The following MINDY4 variants were observed in gnomAD, a reference collection of about 807,000 sequenced individuals.
MINDY4 encodes the protein probable ubiquitin carboxyl-terminal hydrolase MINDY-4.
In MINDY4, 68 loss-of-function variants were observed where a neutral mutation model predicts 87.0. That is an observed-to-expected ratio of 0.78 (90% confidence interval 0.64 to 0.96). The LOEUF (loss-of-function observed/expected upper bound fraction) is 0.96. Among genes scored for constraint, MINDY4 ranks in the 40% least tolerant of loss-of-function variants. The pLI, the probability that MINDY4 is intolerant of heterozygous loss-of-function variation, is 0.00. For missense variants in MINDY4, 919 were observed against 928.2 expected, an observed-to-expected ratio of 0.99 and a Z score of 0.13; for synonymous variants, 379 against 363.2, an observed-to-expected ratio of 1.04 and a Z score of -0.50.
intron 10 of MINDY4, among the ~76,000 whole-genome samples, 180 bp from the exon 11 acceptor site, chr7:30,852,036 C>T (rs1438603223): frequency 6.6e-6 from 1 of 151,870 alleles, no homozygotes; most frequent in African/African-American, 2.4e-5. Flanking sequence ...TTGGAGTTCT[C>T]TGGGCCCAGC....
intron 5 of MINDY4, among the ~76,000 whole-genome samples, chr7:30,810,195 A>AAT (rs1787943600): frequency 6.6e-6 from 1 of 151,290 alleles, no homozygotes; most frequent in South Asian, 2.1e-4. Context: ...AAAAAAAAAA[A>AAT]AAGAAATGTT....
chr7:30,888,946 G>A (rs1271296196), intron 17 of MINDY4, among the ~76,000 whole-genome samples: 1 of 152,202 alleles, frequency 6.6e-6, no homozygotes, highest in African/African-American at 2.4e-5. Context: ...CACTGAAGCA[G>A]CTTGCCAGGA....
chr7:30,802,124 T>C (rs528011103), intron 5 of MINDY4, among the ~76,000 whole-genome samples: 30 of 152,290 alleles, frequency 2.0e-4, no homozygotes, highest in African/African-American at 7.2e-4. Flanking sequence ...TATTCCTTTT[T>C]TTCTCACTCC....
In MINDY4 at chr7:30,802,663, C is replaced by A. The variant is rs143021048; in HGVS notation, c.1073+11089C>A. On this transcript the variant is annotated intron_variant, in intron 5 of 17. Transcript: ENST00000265299. ...ATCGTGAAACTTAAAAGTGGTAAGT[C>A]TTTCATATAATTGAAACAATTTGAA... 3.3e-3 allele frequency among the ~76,000 whole-genome samples: 505 copies of A among 152,272 alleles called. 13 individuals are homozygous for A. Among genetic ancestry groups the A allele is most frequent in the East Asian group, 6.4e-3 (33 of 5,188 alleles).
intron 14 of MINDY4, among the ~76,000 whole-genome samples, chr7:30,874,394 G>A (rs1319328635): frequency 6.6e-6 from 1 of 152,226 alleles, no homozygotes; most frequent in African/African-American, 2.4e-5. Context: ...GGCCCTAATG[G>A]GCTGTGTGGC....
At chr7:30,840,969 A>T in intron 9 of MINDY4, 121 bp downstream of exon 9, 1 of 860,812 alleles carries the variant, frequency 1.2e-6, no homozygotes, top group African/African-American at 1.7e-5. Context: ...CAGGTCAAGA[A>T]AGGAGAGGTT....
chr7:30,791,274 A>G lies in MINDY4; in HGVS notation c.773A>G (p.Asp258Gly). ...VPELFVCTQQ[D>G]ILASSNSSPS... ...GAGCTCTTTGTCTGCACCCAACAGG[A>G]CATTCTGGCTTCGAGCAACAGCTCC... The change falls in exon 5 of 18, where the codon GAC becomes GGC. Residue 258 changes from aspartate to glycine, a missense_variant. Asp to Gly is a moderately conservative substitution (Grantham distance 94). Coordinates refer to ENST00000265299, the MANE Select transcript of MINDY4 (RefSeq NM_032222.3). 6.2e-7 allele frequency: 1 copy of G among 1,614,178 alleles called. No homozygotes were observed. Among genetic ancestry groups the G allele is most frequent in the South Asian group, 1.1e-5 (1 of 91,086 alleles).
chr7:30,859,120 C>A (rs1183475716), intron 12 of MINDY4, 137 bp from the exon 13 acceptor site: 3 of 821,700 alleles, frequency 3.7e-6, no homozygotes, highest in Non-Finnish European at 6.3e-6. Flanking sequence ...TTCGGGCCAC[C>A]CAGCAACCCC....
intron 5 of MINDY4, among the ~76,000 whole-genome samples, chr7:30,792,792 C>A (rs1787364169): frequency 6.6e-6 from 1 of 152,058 alleles, no homozygotes; most frequent in African/African-American, 2.4e-5. Context: ...GTAATATACT[C>A]AAAGAAAACT....
In MINDY4 at chr7:30,828,692, C is replaced by T. The variant is rs1399305154; in HGVS notation, c.1087C>T (p.Leu363=). Residue 363 remains leucine, a synonymous_variant, in exon 6 of 18, where the codon CTG becomes TTG. Coordinates refer to ENST00000265299, the MANE Select transcript of MINDY4 (RefSeq NM_032222.3). The stretch of plus-strand genomic sequence containing the variant: ...TCTATTTTCCAGGAAAAATCAGTTG[C>T]TGCCGTCTGACAAGGTGGATGGTGA... ...QPAPVRKNQL[L]PSDKVDGELG... is the part of the protein sequence containing the mutation. The T allele has an allele frequency of 3.1e-6, 5 of 1,613,840 alleles. No homozygotes were observed. In the Admixed American group the frequency reaches 8.3e-5, roughly 27 times the overall value.
chr7:30,790,690 C>T, intron 4 of MINDY4, among the ~76,000 whole-genome samples: 1 of 152,134 alleles, frequency 6.6e-6, no homozygotes, highest in Non-Finnish European at 1.5e-5. Flanking sequence ...AGTGATACAC[C>T]CGCCTTGGCC....
intron 17 of MINDY4, among the ~76,000 whole-genome samples, chr7:30,885,500 G>A (rs1474710905): frequency 6.6e-6 from 1 of 152,106 alleles, no homozygotes; most frequent in Non-Finnish European, 1.5e-5. Context: ...CAACAAGAGG[G>A]AAACTCCGTC....
chr7:30,811,416 T>C lies in MINDY4; in HGVS notation c.1074-17263T>C, dbSNP rs190688659. 2.7e-3 allele frequency among the ~76,000 whole-genome samples: 414 copies of C among 152,288 alleles called. 4 individuals carry two copies. Among genetic ancestry groups the C allele is most frequent in the Middle Eastern group, 0.01 (3 of 294 alleles). ...ATTCACCAAAATGCTTCAGCACAAG[T>C]GTACTATATCAGTCACTACCGATCT... On this transcript the variant is annotated intron_variant, in intron 5 of 17. Transcript: ENST00000265299.
intron 5 of MINDY4, among the ~76,000 whole-genome samples, chr7:30,805,045 A>T (rs751890420): frequency 2.6e-5 from 4 of 152,200 alleles, no homozygotes; most frequent in African/African-American, 4.8e-5. Flanking sequence ...ATAGAGAGGG[A>T]TAGAAAGTTC....
At chr7:30,887,924 A>C (rs919765924) in intron 17 of MINDY4, among the ~76,000 whole-genome samples, 7 of 152,208 alleles carry the variant, frequency 4.6e-5, no homozygotes, top group Non-Finnish European at 1.0e-4. Context: ...GCTGCTCCTC[A>C]TTCCGAATGG....
Position 30,840,759 on chromosome 7 carries a change from G to A in MINDY4, c.1357-1G>A. ...GGCAGCAATGGTCTCATTCTTTGCA[G>A]GGTGGTCCTTGCGGAGTCCTGGCAG... On this transcript the variant is annotated splice_acceptor_variant, in intron 8 of 17. Coordinates refer to ENST00000265299, the MANE Select transcript of MINDY4 (RefSeq NM_032222.3). LOFTEE classifies it high-confidence loss of function. 1 of 1,613,926 alleles carries A rather than the reference G, an allele frequency of 6.2e-7. No individual in the cohort carries two copies. The highest frequency in any genetic ancestry group is 8.5e-7 in the Non-Finnish European group (1 of 1,179,894).
intron 15 of MINDY4, among the ~76,000 whole-genome samples, chr7:30,881,617 C>T (rs528406348): frequency 3.9e-5 from 6 of 152,156 alleles, no homozygotes; most frequent in Admixed American, 6.5e-5. Flanking sequence ...TATGATCTGT[C>T]GAGCATGAGG....
chr7:30,843,011 G>T (rs1416257651), intron 9 of MINDY4, among the ~76,000 whole-genome samples: 1 of 152,042 alleles, frequency 6.6e-6, no homozygotes, highest in African/African-American at 2.4e-5. Flanking sequence ...CTTGCTCATC[G>T]ATATGGTTAC....
At chr7:30,800,781 A>T (rs1311242691) in intron 5 of MINDY4, among the ~76,000 whole-genome samples, 5 of 152,144 alleles carry the variant, frequency 3.3e-5, no homozygotes, top group African/African-American at 1.2e-4. Context: ...TGCAGCCTTG[A>T]TACAGCCAAG....
Sources: gnomAD v4.1 joint callset for allele counts (sites outside exome capture counted in the v4.1 genomes callset) on GRCh38, gnomAD v4.1.1 for gene constraint, MANE v1.5 for transcripts, NCBI Gene and HGNC (gene_info 2026-07-23, HGNC 2026-07-21) for gene names.